CHD6: variants seen among roughly 807,000 people sequenced by gnomAD.
The protein encoded by CHD6 is chromodomain helicase DNA binding protein 6.
CHD6 carries 50 observed loss-of-function variants against 276.9 expected under a neutral mutation model. That is an observed-to-expected ratio of 0.18 (90% CI 0.14 to 0.23). CHD6 has a LOEUF of 0.23. Ranked by LOEUF, CHD6 falls within the 10% of genes least tolerant of loss-of-function variation. The pLI is 1.00. For synonymous variants in CHD6, 1,173 were observed against 1,229.3 expected (o/e 0.95, Z 0.96); for missense variants, 2,564 against 3,365.8 (o/e 0.76, Z 5.89).
At chr20:41,571,511 C>T (rs982401860) in intron 1 of CHD6, among the ~76,000 whole-genome samples, 1 of 151,708 alleles carries the variant, frequency 6.6e-6, no homozygotes, top group Admixed American at 6.6e-5. Context: ...CCTGCCTCAG[C>T]CTTCCGAGTA....
chr20:41,583,595 C>T (rs2045563071), intron 1 of CHD6, among the ~76,000 whole-genome samples: 1 of 152,082 alleles, frequency 6.6e-6, no homozygotes, highest in African/African-American at 2.4e-5. Flanking sequence ...GTGGATACCT[C>T]CAGAAATGGC....
intron 8 of CHD6, among the ~76,000 whole-genome samples, chr20:41,496,122 G>A (rs1365643413): frequency 1.3e-5 from 2 of 152,192 alleles, no homozygotes; most frequent in African/African-American, 4.8e-5. Flanking sequence ...TGTTCTATTG[G>A]TGCAGTCTAG....
intron 25 of CHD6, among the ~76,000 whole-genome samples, 184 bp downstream of exon 25, chr20:41,445,481 G>A (rs531358238): frequency 4.6e-5 from 7 of 152,192 alleles, no homozygotes; most frequent in Admixed American, 1.3e-4. Flanking sequence ...CAGTATTATT[G>A]TGAGCCATAC....
At chr20:41,433,968 A>G (rs2047623190) in intron 27 of CHD6, among the ~76,000 whole-genome samples, 2 of 152,206 alleles carry the variant, frequency 1.3e-5, no homozygotes, top group Admixed American at 6.5e-5. Flanking sequence ...TCAGAATAAA[A>G]TCATACAAAA....
intron 1 of CHD6, among the ~76,000 whole-genome samples, chr20:41,606,108 T>C (rs1405548869): frequency 1.3e-5 from 2 of 152,222 alleles, no homozygotes; most frequent in African/African-American, 2.4e-5. Context: ...CCGGGCGTAG[T>C]GGCTTATGCC....
At chr20:41,609,855 CTTTT>C (rs369159347) in intron 1 of CHD6, among the ~76,000 whole-genome samples, 1 of 128,224 alleles carries the variant, frequency 7.8e-6, no homozygotes, top group Admixed American at 8.1e-5. Flanking sequence ...TTTCTTTTTT[CTTTT>C]TTTTTTTTTT....
chr20:41,407,848 C>A (rs1485944974), intron 36 of CHD6, among the ~76,000 whole-genome samples: 1 of 152,162 alleles, frequency 6.6e-6, no homozygotes, highest in Non-Finnish European at 1.5e-5. Flanking sequence ...ACGAAGGAAG[C>A]ACTGATCACG....
In CHD6 at chr20:41,416,734, G is replaced by A. The variant is rs759868362; in HGVS notation, c.6340C>T (p.Pro2114Ser). The change falls in exon 33 of 37, where the codon CCC becomes TCC. Residue 2114 changes from proline (P) to serine (S), a missense_variant. Physicochemically the swap from Pro to Ser is moderately conservative, Grantham distance 74. Coordinates refer to ENST00000373233, the MANE Select transcript of CHD6 (RefSeq NM_032221.5). ...GAGGGCTCATACTGCTGGCTAGAGGGCCACTTCCCCTTTAACACCACGTGG... is the reference window on the plus strand; with the variant it reads ...GAGGGCTCATACTGCTGGCTAGAGGACCACTTCCCCTTTAACACCACGTGG... ...ICHVVLKGKW[P>S]SSQQYEPSGT... is the part of the protein sequence containing the mutation. 8 of 1,612,200 alleles carry A rather than the reference G, an allele frequency of 5.0e-6. No homozygotes were observed. Among genetic ancestry groups the A allele is most frequent in the Non-Finnish European group, 6.8e-6 (8 of 1,178,924 alleles).
intron 7 of CHD6, 149 bp downstream of exon 7, chr20:41,498,019 C>T: frequency 1.6e-6 from 1 of 614,254 alleles, no homozygotes. Context: ...TTGAGCGTTA[C>T]TGCCTAAGGT....
intron 5 of CHD6, among the ~76,000 whole-genome samples, chr20:41,502,376 T>A (rs1221459825): frequency 6.6e-6 from 1 of 152,184 alleles, no homozygotes; most frequent in Non-Finnish European, 1.5e-5. Context: ...CTTCAAAATA[T>A]GGTATTTTAT....
At chr20:41,544,821 T>C (rs2045010228) in intron 2 of CHD6, among the ~76,000 whole-genome samples, 1 of 151,696 alleles carries the variant, frequency 6.6e-6, no homozygotes. Flanking sequence ...CATAGTAATA[T>C]ATGATTACTA....
At chr20:41,503,795 C>T (rs1254421878) in intron 5 of CHD6, among the ~76,000 whole-genome samples, 3 of 152,012 alleles carry the variant, frequency 2.0e-5, no homozygotes, top group Non-Finnish European at 4.4e-5. Context: ...TTTGAACTTT[C>T]GGCTGGGTGC....
intron 1 of CHD6, among the ~76,000 whole-genome samples, chr20:41,561,189 A>T (rs1052115340): frequency 2.0e-5 from 3 of 152,206 alleles, no homozygotes; most frequent in African/African-American, 7.2e-5. Context: ...CTTTTTTTCA[A>T]AAACAGGAAG....
chr20:41,565,923 C>G (rs915943733), intron 1 of CHD6, among the ~76,000 whole-genome samples: 1 of 152,138 alleles, frequency 6.6e-6, no homozygotes, highest in African/African-American at 2.4e-5. Context: ...AGAATTCTAA[C>G]TTTTCTAGCC....
At chr20:41,476,117 CT>C (rs1324571239) in intron 16 of CHD6, among the ~76,000 whole-genome samples, 3 of 152,052 alleles carry the variant, frequency 2.0e-5, no homozygotes, top group Non-Finnish European at 2.9e-5. Context: ...CAAAACCAAA[CT>C]GACAGCTGGA....
intron 33 of CHD6, 62 bp downstream of exon 33, chr20:41,416,526 C>G: frequency 6.8e-7 from 1 of 1,467,796 alleles, no homozygotes; most frequent in South Asian, 1.3e-5. Flanking sequence ...ATGAACTCAA[C>G]AGAGACGTGG....
chr20:41,421,817 C>A lies in CHD6; in HGVS notation c.4818G>T (p.Leu1606=). 6.2e-7 allele frequency: 1 copy of A among 1,614,166 alleles called. No homozygotes were observed. Among genetic ancestry groups the A allele is most frequent in the Non-Finnish European group, 8.5e-7 (1 of 1,180,040 alleles). The part of the protein sequence containing the change: ...TDCYIMNDPQ[L]SFLDAYRNYA... ...AGTTTCTATAGGCATCCAGGAAGGA[C>A]AGCTGGGGGTCGTTCATGATGTAAC... Residue 1606 remains leucine, a synonymous_variant, in exon 31 of 37, where the codon CTG becomes CTT. Coordinates refer to ENST00000373233, the MANE Select transcript of CHD6 (RefSeq NM_032221.5).
intron 29 of CHD6, among the ~76,000 whole-genome samples, chr20:41,424,015 C>T (rs2047281599): frequency 1.3e-5 from 2 of 152,208 alleles, no homozygotes; most frequent in Admixed American, 6.5e-5. Context: ...ACCTAGTTAA[C>T]TTCTGCCTGT....
At chr20:41,468,182 T>C (rs2042971839) in intron 17 of CHD6, among the ~76,000 whole-genome samples, 1 of 151,288 alleles carries the variant, frequency 6.6e-6, no homozygotes, top group Non-Finnish European at 1.5e-5. Context: ...TGATCTTGGC[T>C]CAGTGCAACC....
Sources: gnomAD v4.1 joint callset for allele counts (sites outside exome capture counted in the v4.1 genomes callset) on GRCh38, gnomAD v4.1.1 for gene constraint, MANE v1.5 for transcripts, NCBI Gene and HGNC (gene_info 2026-07-23, HGNC 2026-07-21) for gene names.